The following ZNF366 variants were observed in gnomAD, a reference collection of about 807,000 sequenced individuals.
ZNF366 encodes the protein dendritic cell-specific transcript protein.
A neutral mutation model predicts 47.2 loss-of-function variants in ZNF366; 20 were observed. The ratio of observed to expected loss-of-function variants is 0.42; its 90% CI spans 0.30 to 0.62. ZNF366 has a LOEUF of 0.62. Among genes scored for constraint, ZNF366 ranks in the 20% least tolerant of loss-of-function variants. The pLI is 0.16. For synonymous variants in ZNF366, 421 were observed against 395.1 expected (o/e 1.07, Z -0.78); for missense variants, 987 against 976.3 (o/e 1.01, Z -0.15).
At chr5:72,465,381 G>A (rs1048818014) in intron 1 of ZNF366, among the ~76,000 whole-genome samples, 3 of 152,204 alleles carry the variant, frequency 2.0e-5, no homozygotes, top group African/African-American at 4.8e-5. Flanking sequence ...GGGGAGTGTT[G>A]AAGGGAAAAG....
intron 1 of ZNF366, among the ~76,000 whole-genome samples, chr5:72,464,266 G>A (rs1743388588): frequency 6.6e-6 from 1 of 152,144 alleles, no homozygotes; most frequent in Non-Finnish European, 1.5e-5. Flanking sequence ...ATGACGTGTT[G>A]TATCTTTATA....
At position 72,467,899 on chromosome 5, in the gene ZNF366, A is replaced by G. The variant is rs2112334296; in HGVS notation, c.-14-6389T>C. Among the ~76,000 whole-genome samples, 2 of 152,282 alleles carry G rather than the reference A, an allele frequency of 1.3e-5. 1 individual carries two copies. Among genetic ancestry groups the G allele is most frequent in the South Asian group, 4.1e-4 (2 of 4,820 alleles). ...GAGTCAAGGAAAATAGTGAGAATAA[A>G]TAGCAGTGTGAAGAGAAGCAAAGGG... is the stretch of plus-strand genomic sequence containing the variant. On this transcript the variant is annotated intron_variant, in intron 1 of 4. Transcript: ENST00000318442.
intron 1 of ZNF366, among the ~76,000 whole-genome samples, chr5:72,502,434 T>C (rs1414433872): frequency 6.6e-6 from 1 of 152,234 alleles, no homozygotes; most frequent in African/African-American, 2.4e-5. Flanking sequence ...TCTGTGTCCA[T>C]TGCTGCTTTA....
intron 1 of ZNF366, among the ~76,000 whole-genome samples, chr5:72,473,553 A>C (rs1743612519): frequency 1.3e-5 from 2 of 152,220 alleles, no homozygotes; most frequent in Non-Finnish European, 2.9e-5. Flanking sequence ...AAGAGGCATA[A>C]TAATTCCTTC....
At chr5:72,447,527 T>C in intron 3 of ZNF366, 110 bp from the exon 4 acceptor site, 1 of 1,314,682 alleles carries the variant, frequency 7.6e-7, no homozygotes, top group Non-Finnish European at 1.1e-6. Flanking sequence ...GACATTTTAA[T>C]CTGCTTGCAA....
At chr5:72,446,978 C>A (rs1005226589) in intron 4 of ZNF366, among the ~76,000 whole-genome samples, 3 of 152,164 alleles carry the variant, frequency 2.0e-5, no homozygotes, top group African/African-American at 4.8e-5. Flanking sequence ...TAGCGACAAG[C>A]CACCTGATGT....
chr5:72,501,317 C>T (rs527604105), intron 1 of ZNF366, among the ~76,000 whole-genome samples: 54 of 152,260 alleles, frequency 3.5e-4, no homozygotes, highest in African/African-American at 1.3e-3. Context: ...TTTGTGTGCC[C>T]TGGTACTTGA....
Position 72,460,760 on chromosome 5 carries a change from A to G in ZNF366, c.737T>C (p.Val246Ala). ...CTGCCAGCGCTTCTGCGAGCCGCCCACGTCCACGTAGTAGCTGTCATCGAT... is the reference window on the plus strand; with the variant it reads ...CTGCCAGCGCTTCTGCGAGCCGCCCGCGTCCACGTAGTAGCTGTCATCGAT... ...VQIDDSYYVD[V>A]GGSQKRWQCP... Residue 246 changes from valine (V) to alanine (A), a missense_variant, in exon 2 of 5, where the codon GTG becomes GCG. Physicochemically the swap from Val to Ala is moderately conservative, Grantham distance 64. Transcript: ENST00000318442. The G allele has an allele frequency of 6.2e-7, 1 of 1,614,178 alleles. No individual in the cohort carries two copies. The highest frequency in any genetic ancestry group is 1.1e-5 in the South Asian group (1 of 91,076).
intron 1 of ZNF366, among the ~76,000 whole-genome samples, chr5:72,484,340 C>T (rs904392905): frequency 5.3e-5 from 8 of 150,616 alleles, no homozygotes; most frequent in Admixed American, 2.6e-4. Context: ...AAAAATTAGC[C>T]GGGCGTAGTG....
In ZNF366 at chr5:72,461,234, T is replaced by C. The variant is rs2112328778; in HGVS notation, c.263A>G (p.Tyr88Cys). 1.9e-6 allele frequency: 3 copies of C among 1,614,110 alleles called. No homozygotes were observed. The East Asian group carries it at 6.7e-5, about 36-fold the overall frequency. The change falls in exon 2 of 5, where the codon TAT (tyrosine) becomes TGT (cysteine). Residue 88 changes from tyrosine to cysteine, a missense_variant. Tyr to Cys is a radical substitution (Grantham distance 194). Around this residue, in one of 3 missense-constraint regions of ZNF366, gnomAD observed 591 missense variants for 560.9 expected, o/e 1.05. Transcript: ENST00000318442. ...GGTGACTTCTTCTGCAGGGTGGTTA[T>C]AGGGCATCTTTGTGGGCATGCTCTT... ...KRKSMPTKMP[Y>C]NHPAEEVTLA...
chr5:72,491,570 G>A (rs1393423384), intron 1 of ZNF366, among the ~76,000 whole-genome samples: 3 of 152,028 alleles, frequency 2.0e-5, no homozygotes, highest in Admixed American at 1.3e-4. Context: ...GTGGAAAATG[G>A]GGATAAAAAA....
rs1309936774 is a variant in ZNF366 at position 72,441,501 on chromosome 5, AC to A, written c.*2254del. The A allele has an allele frequency of 6.6e-6, 1 of 152,224 alleles. No homozygotes were observed. Among genetic ancestry groups the A allele is most frequent in the African/African-American group, 2.4e-5 (1 of 41,420 alleles). 9.4% of individuals were successfully genotyped at this position (152,224 alleles called of 1,614,324 possible). A position where few individuals can be genotyped will look rare whatever the true frequency, so the allele number is the denominator to read the frequency against. ...CAGAGTTGTGCTTGTAACCACAGAAACCCACAGTCTTCTCTTCACAATCTCC... is the reference window on the plus strand; with the variant it reads ...CAGAGTTGTGCTTGTAACCACAGAAACCACAGTCTTCTCTTCACAATCTCC... On this transcript the variant is annotated 3_prime_UTR_variant, in exon 5 of 5. Coordinates refer to ENST00000318442, the MANE Select transcript of ZNF366 (RefSeq NM_152625.3).
At chr5:72,472,549 T>C in intron 1 of ZNF366, 1 of 985,392 alleles carries the variant, frequency 1.0e-6, no homozygotes, top group Non-Finnish European at 1.2e-6. Context: ...GACCTTCAAT[T>C]AACTGCATTA....
At chr5:72,478,528 G>C (rs540412049) in intron 1 of ZNF366, among the ~76,000 whole-genome samples, 19 of 152,186 alleles carry the variant, frequency 1.2e-4, no homozygotes, top group Non-Finnish European at 1.8e-4. Flanking sequence ...TCTTTCATTA[G>C]TCCACACTGC....
intron 3 of ZNF366, among the ~76,000 whole-genome samples, chr5:72,452,457 T>A (rs1743093643): frequency 6.6e-6 from 1 of 152,180 alleles, no homozygotes; most frequent in East Asian, 1.9e-4. Flanking sequence ...GCCAAAAGGC[T>A]GCTATCTGGT....
chr5:72,486,940 G>A (rs1201962537), intron 1 of ZNF366, among the ~76,000 whole-genome samples: 1 of 152,040 alleles, frequency 6.6e-6, no homozygotes, highest in East Asian at 1.9e-4. Context: ...ACCACGCCTG[G>A]CTGCTTTTTG....
At chr5:72,458,118 G>A (rs951615928) in intron 2 of ZNF366, among the ~76,000 whole-genome samples, 2 of 144,610 alleles carry the variant, frequency 1.4e-5, no homozygotes, top group Admixed American at 1.4e-4. Flanking sequence ...CTGGGTTCAC[G>A]CCATTCTCCT....
At chr5:72,449,972 A>G (rs1743032791) in intron 3 of ZNF366, among the ~76,000 whole-genome samples, 1 of 152,188 alleles carries the variant, frequency 6.6e-6, no homozygotes, top group East Asian at 1.9e-4. Context: ...CCTATAGGCC[A>G]GAAAGAGGTC....
At chr5:72,479,078 A>G (rs1743730200) in intron 1 of ZNF366, among the ~76,000 whole-genome samples, 1 of 152,196 alleles carries the variant, frequency 6.6e-6, no homozygotes, top group Non-Finnish European at 1.5e-5. Flanking sequence ...CCTTTATCCC[A>G]GACCTAGCTC....
Sources: gnomAD v4.1 joint callset for allele counts (sites outside exome capture counted in the v4.1 genomes callset) on GRCh38, gnomAD v4.1.1 for gene constraint, gnomAD v4.1.1 regional missense constraint, MANE v1.5 for transcripts, NCBI Gene and HGNC (gene_info 2026-07-23, HGNC 2026-07-21) for gene names.